ULK4: variants seen among roughly 807,000 people sequenced by gnomAD.
The protein encoded by ULK4 is inactive serine/threonine-protein kinase ULK4.
In ULK4, 133 loss-of-function variants were observed where a neutral mutation model predicts 160.6. The ratio of observed to expected loss-of-function variants is 0.83; its 90% CI spans 0.72 to 0.96. The LOEUF (loss-of-function observed/expected upper bound fraction) is 0.96. Among genes scored for constraint, ULK4 ranks in the 40% least tolerant of loss-of-function variants. The pLI is 0.00. For synonymous variants in ULK4, 534 were observed against 539.8 expected, an observed-to-expected ratio of 0.99 and a Z score of 0.15; for missense variants, 1,580 against 1,499.5, an observed-to-expected ratio of 1.05 and a Z score of -0.89.
At chr3:41,247,038 G>A (rs1163421567) in intron 36 of ULK4, 46 bp from the exon 37 acceptor site, 3 of 1,581,362 alleles carry the variant, frequency 1.9e-6, no homozygotes, top group East Asian at 2.3e-5. Context: ...CATCTCTAAG[G>A]TAAAGTGCTC....
intron 30 of ULK4, among the ~76,000 whole-genome samples, chr3:41,616,737 G>A (rs2032987388): frequency 6.6e-6 from 1 of 152,222 alleles, no homozygotes; most frequent in African/African-American, 2.4e-5. Context: ...AGTAGCGGCA[G>A]GAGTGTTTTT....
At chr3:41,580,492 C>G (rs1271474223) in intron 31 of ULK4, among the ~76,000 whole-genome samples, 1 of 151,194 alleles carries the variant, frequency 6.6e-6, no homozygotes, top group South Asian at 2.1e-4. Context: ...GGCTCTACTA[C>G]ATCAGGGCTA....
At chr3:41,397,909 T>A (rs1338034977) in intron 35 of ULK4, among the ~76,000 whole-genome samples, 170 bp downstream of exon 35, 1 of 152,166 alleles carries the variant, frequency 6.6e-6, no homozygotes, top group Non-Finnish European at 1.5e-5. Flanking sequence ...ATAAACAGTA[T>A]ATGACAAATG....
At chr3:41,514,451 C>A (rs2085686901) in intron 32 of ULK4, among the ~76,000 whole-genome samples, 1 of 152,124 alleles carries the variant, frequency 6.6e-6, no homozygotes, top group Middle Eastern at 3.2e-3. Flanking sequence ...TCTGATGAGA[C>A]CACAGCAATC....
chr3:41,811,929 A>G (rs2040829237), intron 19 of ULK4, among the ~76,000 whole-genome samples: 1 of 152,192 alleles, frequency 6.6e-6, no homozygotes, highest in Non-Finnish European at 1.5e-5. Flanking sequence ...TACCTGAGAA[A>G]TTATGACACT....
chr3:41,823,374 AG>A (rs2125634615), intron 18 of ULK4, among the ~76,000 whole-genome samples: 2 of 152,334 alleles, frequency 1.3e-5, no homozygotes, highest in Admixed American at 1.3e-4. Context: ...CCAGCCCAAA[AG>A]GGCCCAGAAG....
At chr3:41,910,066 T>A (rs1380926871) in intron 11 of ULK4, among the ~76,000 whole-genome samples, 1 of 152,026 alleles carries the variant, frequency 6.6e-6, no homozygotes, top group Admixed American at 6.6e-5. Flanking sequence ...CCAGCTAATT[T>A]TTTTTTCTTA....
chr3:41,801,856 T>C (rs1025030573), intron 19 of ULK4, among the ~76,000 whole-genome samples: 1 of 150,246 alleles, frequency 6.7e-6, no homozygotes, highest in African/African-American at 2.4e-5. Context: ...GTCTCAAAAA[T>C]AAAAATAAAA....
intron 32 of ULK4, among the ~76,000 whole-genome samples, chr3:41,487,673 T>C (rs1468696280): frequency 1.3e-5 from 2 of 152,086 alleles, no homozygotes; most frequent in Non-Finnish European, 2.9e-5. Flanking sequence ...TTCATATCAT[T>C]CATAAAAACA....
chr3:41,877,562 A>T (rs1697355363), intron 17 of ULK4, among the ~76,000 whole-genome samples: 1 of 152,096 alleles, frequency 6.6e-6, no homozygotes, highest in Non-Finnish European at 1.5e-5. Context: ...CCTGAACTCA[A>T]GTGATCCACC....
At chr3:41,605,439 A>G (rs1234367326) in intron 31 of ULK4, among the ~76,000 whole-genome samples, 1 of 151,978 alleles carries the variant, frequency 6.6e-6, no homozygotes, top group African/African-American at 2.4e-5. Flanking sequence ...TAACCAAAAA[A>G]AGCTGCAGTG....
chr3:41,904,368 G>T (rs1698478894), intron 12 of ULK4, among the ~76,000 whole-genome samples: 1 of 152,004 alleles, frequency 6.6e-6, no homozygotes. Flanking sequence ...AGTTGAGGCT[G>T]CAATGAGCAA....
intron 2 of ULK4, among the ~76,000 whole-genome samples, chr3:41,939,726 C>T (rs1176016569): frequency 1.3e-5 from 2 of 152,088 alleles, no homozygotes; most frequent in African/African-American, 2.4e-5. Context: ...AGTCCAGGTC[C>T]ATGGCCTGTT....
chr3:41,849,693 G>T (rs2042161758), intron 17 of ULK4, among the ~76,000 whole-genome samples: 1 of 152,268 alleles, frequency 6.6e-6, no homozygotes, highest in South Asian at 2.1e-4. Context: ...TAGAACAAAT[G>T]AACCACTTTG....
At position 41,957,644 on chromosome 3, in the gene ULK4, T is replaced by C. The variant is rs368851121; in HGVS notation, c.-48-2837A>G. On this transcript the variant is annotated intron_variant, in intron 1 of 36. Transcript: ENST00000301831. ...AAAAGAACTGCTTGAGCCCAGGAGATTGAGGCTGCAGTGAGCTACAACTGC... is the reference window on the plus strand; with the variant it reads ...AAAAGAACTGCTTGAGCCCAGGAGACTGAGGCTGCAGTGAGCTACAACTGC... Among the ~76,000 whole-genome samples the C allele has an allele frequency of 1.6e-3, 245 of 151,538 alleles. 1 individual carries two copies. Among genetic ancestry groups the C allele is most frequent in the South Asian group, 3.3e-3 (16 of 4,778 alleles).
chr3:41,786,343 T>C (rs1246737433), intron 21 of ULK4, among the ~76,000 whole-genome samples: 2 of 152,198 alleles, frequency 1.3e-5, no homozygotes, highest in East Asian at 1.9e-4. Flanking sequence ...GGCTCACACC[T>C]GTAATCCCAG....
chr3:41,715,284 G>A lies in ULK4; in HGVS notation c.2587C>T (p.Pro863Ser), dbSNP rs1038409756. The A allele has an allele frequency of 6.2e-7, 1 of 1,613,786 alleles. No homozygotes were observed. The change falls in exon 25 of 37, where the codon CCT becomes TCT. Residue 863 changes from proline to serine, a missense_variant. Physicochemically the swap from Pro to Ser is moderately conservative, Grantham distance 74 (BLOSUM62 -1). Coordinates refer to ENST00000301831, the MANE Select transcript of ULK4 (RefSeq NM_017886.4). ...AGAAACTCTTCTGTCACAACTTGAGGTCGAAATACCTGTGTGATGAGAGTT... is the reference window on the plus strand; with the variant it reads ...AGAAACTCTTCTGTCACAACTTGAGATCGAAATACCTGTGTGATGAGAGTT... ...LHLVTSQVFRPQVVTEEFLFS... is the reference protein window; with the variant it reads ...LHLVTSQVFRSQVVTEEFLFS...
At chr3:41,924,310 C>T (rs1251647189) in intron 5 of ULK4, among the ~76,000 whole-genome samples, 2 of 152,076 alleles carry the variant, frequency 1.3e-5, no homozygotes, top group Admixed American at 6.6e-5. Flanking sequence ...TGGTTTTACA[C>T]TCTATTTTTA....
chr3:41,490,411 T>C (rs1385793734), intron 32 of ULK4, among the ~76,000 whole-genome samples: 2 of 152,180 alleles, frequency 1.3e-5, no homozygotes, highest in African/African-American at 2.4e-5. Flanking sequence ...CATTCGCTCC[T>C]GCCTCTGTGC....
Sources: gnomAD v4.1 joint callset for allele counts (sites outside exome capture counted in the v4.1 genomes callset) on GRCh38, gnomAD v4.1.1 for gene constraint, MANE v1.5 for transcripts, NCBI Gene and HGNC (gene_info 2026-07-23, HGNC 2026-07-21) for gene names.